TTC28: variants seen among roughly 807,000 people sequenced by gnomAD.
The protein encoded by TTC28 is tetratricopeptide repeat protein 28.
Under a neutral mutation model 198.0 loss-of-function variants are expected in TTC28, and 61 were observed. The observed-to-expected ratio is 0.31, with a 90% CI of 0.25 to 0.38. The LOEUF (loss-of-function observed/expected upper bound fraction) is 0.38, where lower values mean the gene tolerates loss of function less well. Among genes scored for constraint, TTC28 ranks in the 10% least tolerant of loss-of-function variants. TTC28 has a pLI of 1.00. For missense variants in TTC28, 2,678 were observed against 3,164.0 expected (o/e 0.85, Z 3.69); for synonymous variants, 1,171 against 1,297.8 (o/e 0.90, Z 2.10).
chr22:28,314,020 G>T (rs1349549690), intron 2 of TTC28, among the ~76,000 whole-genome samples: 2 of 152,076 alleles, frequency 1.3e-5, no homozygotes, highest in Admixed American at 1.3e-4. Flanking sequence ...AAAGTCTCAG[G>T]ATACAAAACC....
At chr22:28,219,095 C>T (rs991306896) in intron 5 of TTC28, among the ~76,000 whole-genome samples, 2 of 152,106 alleles carry the variant, frequency 1.3e-5, no homozygotes, top group Non-Finnish European at 2.9e-5. Context: ...CATGGAAAGA[C>T]ATTTTTGAAG....
At position 28,254,447 on chromosome 22, in the gene TTC28, A is replaced by G. The variant is rs114820651; in HGVS notation, c.933+41751T>C. Among the ~76,000 whole-genome samples the G allele has an allele frequency of 2.1e-3, 327 of 152,204 alleles. 2 individuals carry two copies. The highest frequency in any genetic ancestry group is 7.7e-3 in the African/African-American group (318 of 41,540). ...TAAAGAATCAGAAAAGTCAAGGAAG[A>G]AGAGCACTTCAAAAGAAGTGTTTAT... On this transcript the variant is annotated intron_variant, in intron 5 of 22. Coordinates refer to ENST00000397906, the MANE Select transcript of TTC28 (RefSeq NM_001145418.2).
chr22:28,166,577 G>C (rs1601415724), intron 5 of TTC28, among the ~76,000 whole-genome samples: 1 of 152,158 alleles, frequency 6.6e-6, no homozygotes, highest in Non-Finnish European at 1.5e-5. Flanking sequence ...TGACTACTGG[G>C]TACATAACGA....
At chr22:28,188,999 A>G (rs1420480221) in intron 5 of TTC28, among the ~76,000 whole-genome samples, 1 of 152,126 alleles carries the variant, frequency 6.6e-6, no homozygotes, top group African/African-American at 2.4e-5. Flanking sequence ...ACAAACAGAA[A>G]AAAGGAACTC....
chr22:28,553,678 C>A (rs1241689854), intron 2 of TTC28, among the ~76,000 whole-genome samples: 1 of 151,958 alleles, frequency 6.6e-6, no homozygotes, highest in African/African-American at 2.4e-5. Flanking sequence ...CGCGCCAGGC[C>A]AGCCGCCCCG....
chr22:28,383,728 T>C (rs867475059), intron 2 of TTC28, among the ~76,000 whole-genome samples: 1 of 152,200 alleles, frequency 6.6e-6, no homozygotes, highest in African/African-American at 2.4e-5. Context: ...GCTACCACCT[T>C]TGTCCAAACC....
At chr22:28,303,970 G>C (rs2045080419) in intron 3 of TTC28, 1 of 152,260 alleles carries the variant, frequency 6.6e-6, no homozygotes, top group South Asian at 2.1e-4. Context: ...GCTGCACGAG[G>C]CTAAAATAAA....
At chr22:28,180,345 T>C (rs765029149) in intron 5 of TTC28, among the ~76,000 whole-genome samples, 13 of 152,212 alleles carry the variant, frequency 8.5e-5, no homozygotes, top group Non-Finnish European at 1.5e-4. Flanking sequence ...ATAATCTATA[T>C]TGTTGAAGAC....
chr22:27,989,729 G>T, intron 21 of TTC28, 149 bp downstream of exon 21: 1 of 1,054,638 alleles, frequency 9.5e-7, no homozygotes, highest in Non-Finnish European at 1.3e-6. Flanking sequence ...TTACATGCGT[G>T]AGCCACTGTA....
chr22:28,544,960 T>C (rs2049505211), intron 2 of TTC28, among the ~76,000 whole-genome samples: 1 of 152,206 alleles, frequency 6.6e-6, no homozygotes, highest in South Asian at 2.1e-4. Context: ...GTATACTCAA[T>C]CGAGCAGCCC....
At chr22:28,035,324 C>A (rs1243965437) in intron 12 of TTC28, among the ~76,000 whole-genome samples, 2 of 152,200 alleles carry the variant, frequency 1.3e-5, no homozygotes, top group African/African-American at 2.4e-5. Flanking sequence ...ATAGCTCCTA[C>A]ACCGCTGGCC....
chr22:28,169,117 A>T (rs1363901183), intron 5 of TTC28, among the ~76,000 whole-genome samples: 2 of 152,202 alleles, frequency 1.3e-5, no homozygotes, highest in Non-Finnish European at 2.9e-5. Context: ...TCAAAACCAC[A>T]ATGATACACC....
chr22:28,418,382 C>T (rs1171101360), intron 2 of TTC28, among the ~76,000 whole-genome samples: 1 of 152,152 alleles, frequency 6.6e-6, no homozygotes, highest in Non-Finnish European at 1.5e-5. Flanking sequence ...GCATGCATTC[C>T]CTTTTCAGAA....
rs1029336945 is a variant in TTC28, at chr22:28,098,688, T to C, written c.3547+227A>G. ...CTTGGGGTCAGGAACCAGGACTTCT[T>C]GACTGTAACCCCCAGGGCAGGCACT... On this transcript the variant is annotated intron_variant, in intron 10 of 22. Coordinates refer to ENST00000397906, the MANE Select transcript of TTC28 (RefSeq NM_001145418.2). Among the ~76,000 whole-genome samples, 5 of 152,294 alleles carry C rather than the reference T, an allele frequency of 3.3e-5. No homozygotes were observed. In the East Asian group the frequency reaches 9.7e-4, roughly 29 times the overall value.
chr22:28,059,029 T>C (rs1189147270), intron 12 of TTC28, among the ~76,000 whole-genome samples: 1 of 152,044 alleles, frequency 6.6e-6, no homozygotes, highest in Non-Finnish European at 1.5e-5. Flanking sequence ...TATCAATTTT[T>C]TGCTCTTTCC....
intron 2 of TTC28, among the ~76,000 whole-genome samples, chr22:28,386,563 T>C (rs949483545): frequency 2.0e-5 from 3 of 152,112 alleles, no homozygotes; most frequent in African/African-American, 7.2e-5. Flanking sequence ...ATACCTAAAA[T>C]ATTTGTCCTT....
intron 2 of TTC28, among the ~76,000 whole-genome samples, chr22:28,448,832 C>T (rs1269470992): frequency 1.3e-5 from 2 of 152,204 alleles, no homozygotes; most frequent in Non-Finnish European, 2.9e-5. Context: ...CCTTACCCAT[C>T]TCACTTCCTT....
chr22:28,234,638 G>A (rs1432145108), intron 5 of TTC28, among the ~76,000 whole-genome samples: 2 of 152,132 alleles, frequency 1.3e-5, no homozygotes, highest in Non-Finnish European at 2.9e-5. Context: ...CTCCCAAAGT[G>A]CTGGGATTAC....
intron 5 of TTC28, among the ~76,000 whole-genome samples, chr22:28,243,849 A>G (rs890544335): frequency 2.0e-5 from 3 of 152,168 alleles, no homozygotes; most frequent in African/African-American, 7.2e-5. Flanking sequence ...TTGAACACAG[A>G]CAGTTCATTT....
Sources: allele counts gnomAD v4.1 joint callset (sites outside exome capture counted in the v4.1 genomes callset), GRCh38; gene constraint gnomAD v4.1.1; transcripts MANE v1.5; gene names NCBI Gene and HGNC (gene_info 2026-07-23, HGNC 2026-07-21).